CNTLN: variants seen among roughly 807,000 people sequenced by gnomAD.
CNTLN encodes the protein centlein.
CNTLN carries 212 observed loss-of-function variants against 180.0 expected under a neutral mutation model. The observed-to-expected ratio is 1.18, with a 90% CI of 1.05 to 1.32. CNTLN has a LOEUF of 1.32. CNTLN is among the 40% of genes most tolerant of loss of function. The pLI, the probability that CNTLN is intolerant of heterozygous loss-of-function variation, is 0.00. For synonymous variants in CNTLN, 722 were observed against 563.1 expected (o/e 1.28, Z -3.99); for missense variants, 2,095 against 1,610.9 (o/e 1.30, Z -5.14).
In CNTLN at chr9:17,236,547, C is replaced by G; in HGVS notation, c.808C>G (p.His270Asp). Residue 270 changes from histidine to aspartate, a missense_variant, in exon 5 of 26, where the codon CAT (histidine) becomes GAT (aspartate). By Grantham distance (81) the His-to-Asp change is moderately conservative. Transcript: ENST00000380647. ...GGAGAAATTGAGGAAGCAGGAAGCA[C>G]ATTTGAGAAAAGAAAAATATAGCAC... is the stretch of plus-strand genomic sequence containing the variant. ...DLEKLRKQEAHLRKEKYSTDA... is the reference protein window; with the variant it reads ...DLEKLRKQEADLRKEKYSTDA... 6.2e-7 allele frequency: 1 copy of G among 1,612,854 alleles called. No individual in the cohort carries two copies.
chr9:17,247,654 T>A (rs1327897035), intron 5 of CNTLN, among the ~76,000 whole-genome samples: 1 of 152,178 alleles, frequency 6.6e-6, no homozygotes, highest in Non-Finnish European at 1.5e-5. Flanking sequence ...TGGATAGTTG[T>A]TCAATATGGT....
intron 6 of CNTLN, among the ~76,000 whole-genome samples, chr9:17,294,369 G>C (rs2132726547): frequency 6.6e-6 from 1 of 152,000 alleles, no homozygotes; most frequent in East Asian, 2.0e-4. Flanking sequence ...GGTCCATTTT[G>C]ACAGGGTGCT....
At chr9:17,144,942 C>T (rs1485121567) in intron 2 of CNTLN, among the ~76,000 whole-genome samples, 3 of 151,138 alleles carry the variant, frequency 2.0e-5, no homozygotes, top group South Asian at 2.1e-4. Context: ...CCCGGGTTCA[C>T]GCCATTCTCC....
chr9:17,163,113 A>T (rs1275794891), intron 2 of CNTLN, among the ~76,000 whole-genome samples: 1 of 152,178 alleles, frequency 6.6e-6, no homozygotes, highest in Non-Finnish European at 1.5e-5. Flanking sequence ...TGTACAGTGG[A>T]ACTCGCTTTT....
intron 25 of CNTLN, among the ~76,000 whole-genome samples, chr9:17,489,153 T>A (rs1833027046): frequency 6.6e-6 from 1 of 152,098 alleles, no homozygotes; most frequent in African/African-American, 2.4e-5. Flanking sequence ...TTTAGCCTAC[T>A]TTTCTTCTCT....
In CNTLN at chr9:17,158,858, A is replaced by T. The variant is rs144570904; in HGVS notation, c.449+15482A>T. Among the ~76,000 whole-genome samples the T allele has an allele frequency of 7.8e-3, 1,180 of 151,402 alleles. 8 individuals are homozygous for T. Among genetic ancestry groups the T allele is most frequent in the Non-Finnish European group, 0.013 (896 of 67,810 alleles). ...TTTCTCTTCTGTTTTTCTTTTCTCT[A>T]TTGTATTAATTTCTCCACTAATTTT... On this transcript the variant is annotated intron_variant, in intron 2 of 25. Coordinates refer to ENST00000380647, the MANE Select transcript of CNTLN (RefSeq NM_017738.4).
chr9:17,421,198 C>T (rs1398481433), intron 18 of CNTLN, among the ~76,000 whole-genome samples: 1 of 152,130 alleles, frequency 6.6e-6, no homozygotes, highest in East Asian at 1.9e-4. Context: ...ATATTGAAGT[C>T]TGGCTCTCTC....
At chr9:17,374,966 T>A (rs954712613) in intron 13 of CNTLN, among the ~76,000 whole-genome samples, 19 of 152,172 alleles carry the variant, frequency 1.2e-4, no homozygotes, top group African/African-American at 4.6e-4. Flanking sequence ...GATATCTGCA[T>A]TCCCATGTTT....
chr9:17,360,060 G>A (rs1030550760), intron 12 of CNTLN, among the ~76,000 whole-genome samples: 1 of 152,066 alleles, frequency 6.6e-6, no homozygotes, highest in African/African-American at 2.4e-5. Flanking sequence ...TCCAATTTAA[G>A]TATTGTATGT....
intron 2 of CNTLN, among the ~76,000 whole-genome samples, chr9:17,151,977 G>A (rs1818915075): frequency 6.6e-6 from 1 of 152,116 alleles, no homozygotes. Flanking sequence ...TCTGATGGTA[G>A]TCTGTATTTC....
At chr9:17,371,224 T>G (rs765355207) in intron 13 of CNTLN, among the ~76,000 whole-genome samples, 1 of 152,024 alleles carries the variant, frequency 6.6e-6, no homozygotes, top group African/African-American at 2.4e-5. Flanking sequence ...CTGTTGTATA[T>G]AAGAAACGCT....
chr9:17,382,408 T>G (rs368620223), intron 13 of CNTLN, among the ~76,000 whole-genome samples: 9 of 152,164 alleles, frequency 5.9e-5, no homozygotes, highest in African/African-American at 2.2e-4. Flanking sequence ...CTACTTTAAC[T>G]TAGAGCCAAA....
chr9:17,457,740 G>A, intron 19 of CNTLN, 25 bp downstream of exon 19: 1 of 1,320,770 alleles, frequency 7.6e-7, no homozygotes, highest in Non-Finnish European at 1.0e-6. Flanking sequence ...TATTAAGCAT[G>A]AAAACATACA....
At chr9:17,276,725 T>C (rs1587457713) in intron 6 of CNTLN, among the ~76,000 whole-genome samples, 2 of 152,136 alleles carry the variant, frequency 1.3e-5, no homozygotes, top group African/African-American at 4.8e-5. Context: ...AAAATGGCAG[T>C]ATTTGCACAT....
At chr9:17,351,815 T>G (rs1266139597) in intron 12 of CNTLN, among the ~76,000 whole-genome samples, 1 of 152,222 alleles carries the variant, frequency 6.6e-6, no homozygotes, top group African/African-American at 2.4e-5. Context: ...TTAAAAACTT[T>G]AAGTATCTTT....
At chr9:17,325,831 A>G (rs1587663432) in intron 8 of CNTLN, among the ~76,000 whole-genome samples, 1 of 152,006 alleles carries the variant, frequency 6.6e-6, no homozygotes, top group African/African-American at 2.4e-5. Flanking sequence ...ATGTAGTAGG[A>G]AAAAATATTT....
At chr9:17,380,749 A>G (rs1825181623) in intron 13 of CNTLN, among the ~76,000 whole-genome samples, 1 of 152,244 alleles carries the variant, frequency 6.6e-6, no homozygotes, top group Admixed American at 6.5e-5. Flanking sequence ...TGTATCAGAC[A>G]ATGCAAGAAA....
In CNTLN at chr9:17,384,153, A is replaced by G. The variant is rs181460178; in HGVS notation, c.1988-4009A>G. 5.2e-3 allele frequency among the ~76,000 whole-genome samples: 795 copies of G among 152,294 alleles called. 5 individuals carry two copies. The highest frequency in any genetic ancestry group is 8.2e-3 in the Admixed American group (126 of 15,302). ...GGCTTTCAAGCTAGCTAGAGGAATT[A>G]AAGATAGCATGTTCAAATTCCCCTG... On this transcript the variant is annotated intron_variant, in intron 13 of 25. Coordinates refer to ENST00000380647, the MANE Select transcript of CNTLN (RefSeq NM_017738.4).
chr9:17,239,425 C>G (rs941695284), intron 5 of CNTLN, among the ~76,000 whole-genome samples: 2 of 149,502 alleles, frequency 1.3e-5, no homozygotes, highest in Admixed American at 6.6e-5. Context: ...TTCTTTGTTA[C>G]TTTTTACTCT....
Sources: gnomAD v4.1 joint callset for allele counts (sites outside exome capture counted in the v4.1 genomes callset) on GRCh38, gnomAD v4.1.1 for gene constraint, MANE v1.5 for transcripts, NCBI Gene and HGNC (gene_info 2026-07-23, HGNC 2026-07-21) for gene names.